SPAG16: variants seen among roughly 807,000 people sequenced by gnomAD.
The protein encoded by SPAG16 is sperm associated antigen 16.
In SPAG16, 86 loss-of-function variants were observed where a neutral mutation model predicts 80.4. The ratio of observed to expected loss-of-function variants is 1.07; its 90% confidence interval spans 0.90 to 1.28. The LOEUF (loss-of-function observed/expected upper bound fraction) is 1.28. SPAG16 is among the 50% of genes most tolerant of loss of function. The pLI is 0.00. For missense variants in SPAG16, 870 were observed against 765.3 expected, an observed-to-expected ratio of 1.14 and a Z score of -1.61; for synonymous variants, 294 against 265.9, an observed-to-expected ratio of 1.11 and a Z score of -1.03.
intron 15 of SPAG16, among the ~76,000 whole-genome samples, chr2:214,224,679 C>A (rs1559139605): frequency 6.6e-6 from 1 of 152,104 alleles, no homozygotes; most frequent in Admixed American, 6.6e-5. Flanking sequence ...CTTAAGGTTT[C>A]TTTTATAATC....
intron 10 of SPAG16, among the ~76,000 whole-genome samples, chr2:213,634,161 C>A (rs2125091461): frequency 6.6e-6 from 1 of 152,046 alleles, no homozygotes; most frequent in African/African-American, 2.4e-5. Flanking sequence ...TGATTATTTT[C>A]TTGCTTTATA....
intron 15 of SPAG16, among the ~76,000 whole-genome samples, chr2:214,310,540 G>T (rs1002204320): frequency 3.3e-5 from 5 of 152,166 alleles, no homozygotes; most frequent in African/African-American, 1.2e-4. Flanking sequence ...GCCAGAGCCA[G>T]TTTCCCTTTG....
At chr2:214,261,264 C>T (rs192314905) in intron 15 of SPAG16, among the ~76,000 whole-genome samples, 4 of 152,002 alleles carry the variant, frequency 2.6e-5, no homozygotes, top group Admixed American at 1.3e-4. Context: ...GCCCCTCCCA[C>T]GATACCATCA....
intron 9 of SPAG16, among the ~76,000 whole-genome samples, chr2:213,424,158 C>T (rs1559118817): frequency 1.3e-5 from 2 of 152,102 alleles, no homozygotes; most frequent in Non-Finnish European, 2.9e-5. Context: ...CACTTTGATC[C>T]TCAAAGGGTC....
At chr2:214,017,180 G>A (rs968111808) in intron 13 of SPAG16, among the ~76,000 whole-genome samples, 8 of 152,186 alleles carry the variant, frequency 5.3e-5, no homozygotes, top group African/African-American at 1.7e-4. Flanking sequence ...TGCATCAGGC[G>A]TGACTTAAAA....
intron 10 of SPAG16, among the ~76,000 whole-genome samples, chr2:213,653,648 GT>G (rs1219116889): frequency 1.3e-5 from 2 of 152,160 alleles, no homozygotes; most frequent in East Asian, 3.8e-4. Context: ...GTGGCAAATT[GT>G]AAGAAAATAT....
At chr2:213,731,997 T>C (rs770446124) in intron 10 of SPAG16, among the ~76,000 whole-genome samples, 2 of 152,236 alleles carry the variant, frequency 1.3e-5, no homozygotes, top group African/African-American at 2.4e-5. Flanking sequence ...CCTGTGCCTA[T>C]GTTCTGAATG....
intron 10 of SPAG16, among the ~76,000 whole-genome samples, chr2:213,681,134 A>T (rs1323476335): frequency 6.6e-6 from 1 of 152,154 alleles, no homozygotes; most frequent in Non-Finnish European, 1.5e-5. Context: ...GAAAGAAAGG[A>T]AGGAAAACAA....
chr2:214,375,015 A>T (rs1052537966), intron 15 of SPAG16, among the ~76,000 whole-genome samples: 1 of 152,194 alleles, frequency 6.6e-6, no homozygotes, highest in Non-Finnish European at 1.5e-5. Context: ...TAAGATAAGC[A>T]TGGTATTTGT....
At chr2:214,054,061 G>A (rs572649135) in intron 13 of SPAG16, among the ~76,000 whole-genome samples, 1 of 152,110 alleles carries the variant, frequency 6.6e-6, no homozygotes, top group Admixed American at 6.5e-5. Flanking sequence ...TTTTGTTGGA[G>A]GGCAGTGGCA....
intron 9 of SPAG16, among the ~76,000 whole-genome samples, chr2:213,378,940 G>C (rs111429236): frequency 0.011 from 1,686 of 152,306 alleles, 38 homozygotes; most frequent in African/African-American, 0.039. Flanking sequence ...CTCCATTGTG[G>C]AGTAGTAGAC....
chr2:213,538,633 C>G (rs939812812), intron 10 of SPAG16, among the ~76,000 whole-genome samples: 3 of 152,104 alleles, frequency 2.0e-5, no homozygotes, highest in Admixed American at 2.0e-4. Flanking sequence ...ATTCTGCCAT[C>G]ACCCTAAGTA....
intron 12 of SPAG16, among the ~76,000 whole-genome samples, chr2:213,975,937 T>C (rs1173575953): frequency 6.6e-6 from 1 of 151,706 alleles, no homozygotes; most frequent in African/African-American, 2.4e-5. Context: ...CAGTGTTGTT[T>C]ATGGTTGCAC....
intron 15 of SPAG16, among the ~76,000 whole-genome samples, chr2:214,208,375 T>C (rs2058202610): frequency 6.6e-6 from 1 of 152,134 alleles, no homozygotes; most frequent in Admixed American, 6.5e-5. Context: ...TTTAAACTGA[T>C]TAGACGCCAA....
intron 11 of SPAG16, among the ~76,000 whole-genome samples, chr2:213,922,416 C>G (rs1386845421): frequency 6.6e-6 from 1 of 152,124 alleles, no homozygotes; most frequent in Non-Finnish European, 1.5e-5. Context: ...TTTTGACTAT[C>G]AGCTCCTGTA....
chr2:214,235,802 T>C (rs947688190), intron 15 of SPAG16, among the ~76,000 whole-genome samples: 1 of 152,228 alleles, frequency 6.6e-6, no homozygotes, highest in Admixed American at 6.5e-5. Flanking sequence ...TTTCCAATAA[T>C]GCAATTAAAT....
At chr2:213,765,390 A>G (rs1462208759) in intron 10 of SPAG16, among the ~76,000 whole-genome samples, 1 of 152,168 alleles carries the variant, frequency 6.6e-6, no homozygotes, top group Non-Finnish European at 1.5e-5. Context: ...AACAAAACAA[A>G]AAAAGATTAA....
At chr2:213,856,639 C>T (rs1260226293) in intron 10 of SPAG16, among the ~76,000 whole-genome samples, 1 of 152,132 alleles carries the variant, frequency 6.6e-6, no homozygotes, top group Non-Finnish European at 1.5e-5. Flanking sequence ...TGATCCCCCA[C>T]AGGCCCAACA....
rs1808456 is a variant in SPAG16, at chr2:213,584,926, C to T, written c.1070+94836C>T. On this transcript the variant is annotated intron_variant, in intron 10 of 15. Transcript: ENST00000331683. The stretch of plus-strand genomic sequence containing the variant: ...GAATGAGGCCCAGCAAGGTGGCTCA[C>T]GCCAGTAATCCTAGCACTTTGGGAG... 8.5e-3 allele frequency among the ~76,000 whole-genome samples: 1,288 copies of T among 152,208 alleles called. 8 individuals are homozygous for T. Among genetic ancestry groups the T allele is most frequent in the Non-Finnish European group, 0.013 (872 of 68,008 alleles).
Sources: gnomAD v4.1 joint callset for allele counts (sites outside exome capture counted in the v4.1 genomes callset) on GRCh38, gnomAD v4.1.1 for gene constraint, MANE v1.5 for transcripts, NCBI Gene and HGNC (gene_info 2026-07-23, HGNC 2026-07-21) for gene names.